PDE7A: variants seen among roughly 807,000 people sequenced by gnomAD.
PDE7A encodes the protein phosphodiesterase 7A, also known as high affinity 3',5'-cyclic-AMP phosphodiesterase 7A.
Under a neutral mutation model 64.3 loss-of-function variants are expected in PDE7A, and 39 were observed. That is an observed-to-expected ratio of 0.61 (90% confidence interval 0.47 to 0.79). PDE7A has a LOEUF of 0.79. Ranked by LOEUF, PDE7A falls within the 30% of genes least tolerant of loss-of-function variation. The pLI is 0.00. For missense variants in PDE7A, 470 were observed against 582.8 expected (o/e 0.81, Z 1.99); for synonymous variants, 203 against 206.8 (o/e 0.98, Z 0.16).
intron 1 of PDE7A, among the ~76,000 whole-genome samples, chr8:65,809,641 TAAAC>T (rs1810199517): frequency 6.6e-6 from 1 of 152,108 alleles, no homozygotes; most frequent in Admixed American, 6.6e-5. Flanking sequence ...ACAAAGAACT[TAAAC>T]AAATTTACAA....
intron 1 of PDE7A, chr8:65,838,704 C>G (rs1021868351): frequency 3.9e-5 from 6 of 152,176 alleles, no homozygotes; most frequent in Non-Finnish European, 8.8e-5. Context: ...ACTAAATGTC[C>G]CAGGGTGCTT....
chr8:65,750,963 C>G (rs1015329921), intron 3 of PDE7A, among the ~76,000 whole-genome samples: 2 of 152,148 alleles, frequency 1.3e-5, no homozygotes, highest in African/African-American at 4.8e-5. Context: ...TAAGATTAAT[C>G]TCATAAAGAA....
intron 1 of PDE7A, 37 bp downstream of exon 1, chr8:65,841,334 A>T: frequency 1.3e-6 from 2 of 1,483,570 alleles, no homozygotes; most frequent in East Asian, 5.4e-5. Flanking sequence ...AACAAAAGAG[A>T]GAAGCCCTCA....
At chr8:65,829,280 C>T (rs1810755182) in intron 1 of PDE7A, among the ~76,000 whole-genome samples, 1 of 152,078 alleles carries the variant, frequency 6.6e-6, no homozygotes, top group East Asian at 1.9e-4. Context: ...TTAAGTTGCA[C>T]ATAAATCACA....
At chr8:65,739,365 C>T in intron 6 of PDE7A, 137 bp downstream of exon 6, 1 of 962,578 alleles carries the variant, frequency 1.0e-6, no homozygotes, top group Non-Finnish European at 1.4e-6. Context: ...AGCTAAATAA[C>T]TGTGTGTTGT....
At chr8:65,771,222 G>T (rs570211812) in intron 3 of PDE7A, 1 of 158,160 alleles carries the variant, frequency 6.3e-6, no homozygotes, top group Non-Finnish European at 1.4e-5. Flanking sequence ...AAACCCAAAC[G>T]TTGCTTATAA....
chr8:65,825,764 CACTT>C (rs1810657149), intron 1 of PDE7A, among the ~76,000 whole-genome samples: 1 of 152,056 alleles, frequency 6.6e-6, no homozygotes, highest in South Asian at 2.1e-4. Context: ...TTGTAAAGAA[CACTT>C]ACTATGTGAT....
chr8:65,784,679 A>G (rs1809499521), intron 1 of PDE7A, among the ~76,000 whole-genome samples: 1 of 152,078 alleles, frequency 6.6e-6, no homozygotes, highest in Non-Finnish European at 1.5e-5. Flanking sequence ...CAGAAAAGTG[A>G]GTTCAACTGA....
chr8:65,798,161 T>C (rs1242378069), intron 1 of PDE7A, among the ~76,000 whole-genome samples: 1 of 145,724 alleles, frequency 6.9e-6, no homozygotes, highest in Non-Finnish European at 1.5e-5. Context: ...CAGAAATATA[T>C]ACATGTGTGT....
At chr8:65,720,034 T>C (rs1243353619) in intron 12 of PDE7A, among the ~76,000 whole-genome samples, 1 of 152,204 alleles carries the variant, frequency 6.6e-6, no homozygotes, top group Non-Finnish European at 1.5e-5. Flanking sequence ...AAACTTATGA[T>C]AAGAGTCAGT....
chr8:65,837,170 C>T lies in PDE7A; in HGVS notation c.138+4201G>A, dbSNP rs1163218806. ...TATCCAAGGGGCTTTGAACTATTCT[C>T]GCACTCACAGGACCTGGATAATTTG... On this transcript the variant is annotated intron_variant, in intron 1 of 12. Transcript: ENST00000401827. Among the ~76,000 whole-genome samples, 5 of 152,190 alleles carry T rather than the reference C, an allele frequency of 3.3e-5. No individual in the cohort carries two copies. In the East Asian group the frequency reaches 9.6e-4, roughly 29 times the overall value.
intron 9 of PDE7A, 24 bp downstream of exon 9, chr8:65,726,851 T>C (rs1383508585): frequency 7.7e-7 from 1 of 1,298,290 alleles, no homozygotes; most frequent in Admixed American, 1.8e-5. Context: ...AGTAACAAAT[T>C]AAATTTGTCT....
At chr8:65,840,458 G>A (rs191886061) in intron 1 of PDE7A, among the ~76,000 whole-genome samples, 52 of 151,978 alleles carry the variant, frequency 3.4e-4, no homozygotes, top group Non-Finnish European at 6.8e-4. Context: ...TATAACTGGA[G>A]AGAGAAAATA....
chr8:65,759,316 T>TG (rs1321674125), intron 3 of PDE7A, among the ~76,000 whole-genome samples: 4 of 152,182 alleles, frequency 2.6e-5, no homozygotes, highest in African/African-American at 7.2e-5. Flanking sequence ...CAGATGCCAC[T>TG]GGGGGAAACC....
intron 3 of PDE7A, among the ~76,000 whole-genome samples, chr8:65,755,663 A>C (rs1013839940): frequency 2.6e-5 from 4 of 152,240 alleles, no homozygotes; most frequent in Non-Finnish European, 4.4e-5. Flanking sequence ...TATAAACCAA[A>C]AATATAACAC....
intron 3 of PDE7A, among the ~76,000 whole-genome samples, chr8:65,773,685 CTT>C (rs1322885131): frequency 6.6e-6 from 1 of 151,990 alleles, no homozygotes; most frequent in Non-Finnish European, 1.5e-5. Context: ...TCTTCCTTCT[CTT>C]GTCTTTTAGA....
chr8:65,765,263 G>A (rs1379548502), intron 3 of PDE7A, among the ~76,000 whole-genome samples: 4 of 151,800 alleles, frequency 2.6e-5, no homozygotes, highest in Admixed American at 1.3e-4. Context: ...GCCGAGGCGG[G>A]CGGATCACGA....
intron 6 of PDE7A, among the ~76,000 whole-genome samples, chr8:65,736,033 CTATTTA>C (rs1301359110): frequency 1.3e-5 from 2 of 152,250 alleles, no homozygotes; most frequent in Non-Finnish European, 2.9e-5. Flanking sequence ...GTACCAAACC[CTATTTA>C]TACTATGTTT....
intron 3 of PDE7A, among the ~76,000 whole-genome samples, chr8:65,758,551 C>A (rs1179278428): frequency 6.6e-6 from 1 of 152,220 alleles, no homozygotes; most frequent in Non-Finnish European, 1.5e-5. Context: ...TAGTCCCACT[C>A]ATGCTGAATG....
Sources: allele counts gnomAD v4.1 joint callset (sites outside exome capture counted in the v4.1 genomes callset), GRCh38; gene constraint gnomAD v4.1.1; transcripts MANE v1.5; gene names NCBI Gene and HGNC (gene_info 2026-07-23, HGNC 2026-07-21).